RORA: variants seen among roughly 807,000 people sequenced by gnomAD.
The protein encoded by RORA is RAR related orphan receptor A.
In RORA, 7 loss-of-function variants were observed where a neutral mutation model predicts 69.5. That is an observed-to-expected ratio of 0.10 (90% CI 0.06 to 0.19). The LOEUF is 0.19. Ranked by LOEUF, RORA falls within the 10% of genes least tolerant of loss-of-function variation. RORA has a pLI of 1.00. For missense variants in RORA, 457 were observed against 663.0 expected (o/e 0.69, Z 3.41); for synonymous variants, 261 against 240.8 (o/e 1.08, Z -0.78).
At chr15:60,694,654 C>T (rs950865009) in intron 1 of RORA, among the ~76,000 whole-genome samples, 7 of 152,166 alleles carry the variant, frequency 4.6e-5, no homozygotes, top group African/African-American at 1.4e-4. Flanking sequence ...CAGACTGGAC[C>T]CTTATGTTAT....
intron 1 of RORA, among the ~76,000 whole-genome samples, chr15:61,214,863 C>CTTTTT (rs34041868): frequency 9.3e-6 from 1 of 107,090 alleles, no homozygotes. Context: ...CCTTCTTGGA[C>CTTTTT]TTTTTTTTTT....
chr15:61,013,779 CTTTTTTT>C (rs3053960), intron 1 of RORA, among the ~76,000 whole-genome samples: 3 of 70,934 alleles, frequency 4.2e-5, no homozygotes, highest in African/African-American at 5.7e-5. Flanking sequence ...ACTGGGTTGG[CTTTTTTT>C]TTTTTTTTTT....
intron 1 of RORA, among the ~76,000 whole-genome samples, chr15:61,017,823 C>T (rs975424823): frequency 1.3e-5 from 2 of 152,206 alleles, no homozygotes; most frequent in African/African-American, 4.8e-5. Flanking sequence ...GAGACAAACA[C>T]ATGTGCATTC....
At chr15:60,883,789 A>C (rs2073718810) in intron 1 of RORA, among the ~76,000 whole-genome samples, 1 of 152,270 alleles carries the variant, frequency 6.6e-6, no homozygotes, top group African/African-American at 2.4e-5. Flanking sequence ...GTAAAAAAGA[A>C]AAATGGAGTA....
chr15:60,820,416 T>C (rs2072878780), intron 1 of RORA, among the ~76,000 whole-genome samples: 2 of 152,110 alleles, frequency 1.3e-5, no homozygotes, highest in African/African-American at 4.8e-5. Context: ...TTTAAGGGTG[T>C]TGGAGGTCTT....
intron 1 of RORA, among the ~76,000 whole-genome samples, chr15:60,908,253 G>T (rs1468334287): frequency 6.6e-6 from 1 of 152,196 alleles, no homozygotes; most frequent in Non-Finnish European, 1.5e-5. Flanking sequence ...GTGTGGAGGG[G>T]GCGCTTTTGG....
intron 1 of RORA, among the ~76,000 whole-genome samples, chr15:60,702,935 C>T (rs1294023051): frequency 6.6e-6 from 1 of 152,184 alleles, no homozygotes. Flanking sequence ...TCCAATACGT[C>T]CCCTTGACCT....
At chr15:60,609,122 T>C (rs965530405) in intron 2 of RORA, among the ~76,000 whole-genome samples, 3 of 152,224 alleles carry the variant, frequency 2.0e-5, no homozygotes, top group African/African-American at 7.2e-5. Flanking sequence ...CTAGGCAGGC[T>C]GATTCATATT....
Position 61,101,387 on chromosome 15 carries a change from T to C in RORA, c.166+127666A>G, listed in dbSNP as rs781463817. ...TTTATTTTGAGACTGGAAGGATCAGTAGGGGTCAGCTGTGGAGAGAATAAG... is the reference window on the plus strand; with the variant it reads ...TTTATTTTGAGACTGGAAGGATCAGCAGGGGTCAGCTGTGGAGAGAATAAG... On this transcript the variant is annotated intron_variant, in intron 1 of 10. Coordinates refer to ENST00000335670, the MANE Select transcript of RORA (RefSeq NM_134261.3). Among the ~76,000 whole-genome samples, 7 of 151,924 alleles carry C rather than the reference T, an allele frequency of 4.6e-5. No homozygotes were observed. In the South Asian group the frequency reaches 6.3e-4, roughly 14 times the overall value.
chr15:60,747,094 C>A (rs1383520092), intron 1 of RORA, among the ~76,000 whole-genome samples: 1 of 152,168 alleles, frequency 6.6e-6, no homozygotes, highest in African/African-American at 2.4e-5. Flanking sequence ...CTTGGCAGCA[C>A]CCCAGGCTGG....
intron 1 of RORA, among the ~76,000 whole-genome samples, chr15:60,950,714 GGA>G (rs1893066005): frequency 1.3e-5 from 1 of 77,326 alleles, no homozygotes; most frequent in Non-Finnish European, 2.6e-5. Context: ...AATGGTAAAG[GGA>G]TCAATTCAAC....
At chr15:60,689,364 C>T (rs1273679747) in intron 1 of RORA, among the ~76,000 whole-genome samples, 1 of 152,012 alleles carries the variant, frequency 6.6e-6, no homozygotes, top group East Asian at 1.9e-4. Flanking sequence ...CTAAGGTGGC[C>T]CCGAGCTTCA....
chr15:61,055,057 G>A (rs962983274), intron 1 of RORA, among the ~76,000 whole-genome samples: 3 of 151,956 alleles, frequency 2.0e-5, no homozygotes, highest in Admixed American at 6.6e-5. Context: ...GACTGGTCTC[G>A]AACTCCTGGG....
chr15:60,763,828 TTC>T (rs983555091), intron 1 of RORA: 1 of 152,214 alleles, frequency 6.6e-6, no homozygotes, highest in Admixed American at 6.5e-5. Context: ...GCTTCCTCCC[TTC>T]TTAGTACAGT....
At chr15:61,205,511 G>C (rs2079933181) in intron 1 of RORA, among the ~76,000 whole-genome samples, 1 of 152,188 alleles carries the variant, frequency 6.6e-6, no homozygotes, top group Non-Finnish European at 1.5e-5. Context: ...GCTTTGTCTA[G>C]TCAGCCGGAA....
intron 1 of RORA, among the ~76,000 whole-genome samples, chr15:61,018,773 C>G (rs1739656879): frequency 6.6e-6 from 1 of 152,090 alleles, no homozygotes; most frequent in South Asian, 2.1e-4. Context: ...ATGATATACT[C>G]AAATATACAC....
intron 8 of RORA, among the ~76,000 whole-genome samples, 170 bp downstream of exon 8, chr15:60,502,590 G>C (rs1010336459): frequency 6.6e-6 from 1 of 152,046 alleles, no homozygotes; most frequent in African/African-American, 2.4e-5. Context: ...AAAAACTTTT[G>C]AGCTATATGA....
chr15:60,956,237 T>C (rs1362181652), intron 1 of RORA, among the ~76,000 whole-genome samples: 1 of 152,252 alleles, frequency 6.6e-6, no homozygotes, highest in African/African-American at 2.4e-5. Context: ...ATGACTTGTT[T>C]TTTTTTTCCA....
chr15:61,075,891 G>A (rs1025034399), intron 1 of RORA, among the ~76,000 whole-genome samples: 3 of 152,094 alleles, frequency 2.0e-5, no homozygotes, highest in African/African-American at 7.2e-5. Flanking sequence ...CTCCCCATAC[G>A]GGCTTGTGGA....
Sources: gnomAD v4.1 joint callset for allele counts (sites outside exome capture counted in the v4.1 genomes callset) on GRCh38, gnomAD v4.1.1 for gene constraint, MANE v1.5 for transcripts, NCBI Gene and HGNC (gene_info 2026-07-23, HGNC 2026-07-21) for gene names.